Variants in STX16 observed in about 807,000 individuals in gnomAD.
The protein encoded by STX16 is syntaxin-16.
A neutral mutation model predicts 42.7 loss-of-function variants in STX16; 28 were observed. The observed-to-expected ratio is 0.66, with a 90% CI of 0.49 to 0.90. The LOEUF is 0.90. Ranked by LOEUF, STX16 falls within the 40% of genes least tolerant of loss-of-function variation. STX16 has a pLI of 0.00. For missense variants in STX16, 361 were observed against 420.9 expected, an observed-to-expected ratio of 0.86 and a Z score of 1.24; for synonymous variants, 156 against 155.2, an observed-to-expected ratio of 1.00 and a Z score of -0.04.
At chr20:58,664,864 T>C (rs1264458775) in intron 2 of STX16, among the ~76,000 whole-genome samples, 1 of 152,250 alleles carries the variant, frequency 6.6e-6, no homozygotes, top group African/African-American at 2.4e-5. Context: ...AAATAATTAC[T>C]GATTGAAATG....
At chr20:58,672,712 A>C (rs770549836) in intron 7 of STX16, among the ~76,000 whole-genome samples, 1 of 152,238 alleles carries the variant, frequency 6.6e-6, no homozygotes, top group Non-Finnish European at 1.5e-5. Flanking sequence ...CTAGAGACCT[A>C]GTTGACTCTG....
At chr20:58,671,668 T>C (rs2083981247) in intron 7 of STX16, among the ~76,000 whole-genome samples, 2 of 152,172 alleles carry the variant, frequency 1.3e-5, no homozygotes, top group African/African-American at 4.8e-5. Flanking sequence ...TACATGATTC[T>C]CATTTAATCC....
chr20:58,668,636 G>T (rs946857674), intron 4 of STX16, among the ~76,000 whole-genome samples: 7 of 151,594 alleles, frequency 4.6e-5, no homozygotes, highest in African/African-American at 7.3e-5. Context: ...AAAAGCCCTG[G>T]GGGGTTGGAA....
rs890272177 is a variant in STX16 at position 58,678,384 on chromosome 20, G to A, written c.*2093G>A. The A allele has an allele frequency of 6.6e-6, 1 of 152,184 alleles. No individual in the cohort carries two copies. Among genetic ancestry groups the A allele is most frequent in the Non-Finnish European group, 1.5e-5 (1 of 68,066 alleles). 9.4% of individuals were successfully genotyped at this position (152,184 alleles called of 1,614,324 possible). A position where few individuals can be genotyped will look rare whatever the true frequency, so the allele number is the denominator to read the frequency against. The stretch of plus-strand genomic sequence containing the variant: ...GTTTTAAGGAGGGGCTGGGCTCGGT[G>A]GCTCACGCCTGTAATCCCAGACTTT... On this transcript the variant is annotated 3_prime_UTR_variant, in exon 9 of 9. Coordinates refer to ENST00000371141, the MANE Select transcript of STX16 (RefSeq NM_001001433.3).
chr20:58,661,974 C>T (rs2083711007), intron 2 of STX16, among the ~76,000 whole-genome samples: 1 of 152,188 alleles, frequency 6.6e-6, no homozygotes, highest in South Asian at 2.1e-4. Flanking sequence ...TCATTCTCCT[C>T]CTCTAGCCTG....
At chr20:58,660,682 C>T (rs1232209741) in intron 2 of STX16, among the ~76,000 whole-genome samples, 2 of 141,992 alleles carry the variant, frequency 1.4e-5, no homozygotes, top group East Asian at 4.2e-4. Flanking sequence ...GACCCAGATG[C>T]AGAGCAGCAT....
intron 7 of STX16, 50 bp downstream of exon 7, chr20:58,671,347 G>A: frequency 6.5e-7 from 1 of 1,542,262 alleles, no homozygotes; most frequent in Non-Finnish European, 8.8e-7. Context: ...CATACTATCT[G>A]TACCTTCTTT....
chr20:58,656,499 A>T (rs192210332), intron 1 of STX16, among the ~76,000 whole-genome samples: 1 of 152,368 alleles, frequency 6.6e-6, no homozygotes. Context: ...AATGAAAGGT[A>T]GATATTGAGA....
In STX16 at chr20:58,676,759, G is replaced by T. The variant is rs1025976232; in HGVS notation, c.*468G>T. 4 of 152,662 alleles carry T rather than the reference G, an allele frequency of 2.6e-5. No individual in the cohort carries two copies. Among genetic ancestry groups the T allele is most frequent in the Admixed American group, 6.5e-5 (1 of 15,278 alleles). The allele number at this position is 152,662 out of a possible 1,614,324, so 9.5% of individuals were successfully genotyped here. A position where few individuals can be genotyped will look rare whatever the true frequency, so the allele number is the denominator to read the frequency against. On this transcript the variant is annotated 3_prime_UTR_variant, in exon 9 of 9. Coordinates refer to ENST00000371141, the MANE Select transcript of STX16 (RefSeq NM_001001433.3). The stretch of plus-strand genomic sequence containing the variant: ...AAAATTGATGAGTAGAGGCAAAAAT[G>T]CCCCTTCATCTTTCTCTATATATTT...
intron 8 of STX16, 47 bp from the exon 9 acceptor site, chr20:58,676,137 TTTG>T (rs749417774): frequency 7.5e-5 from 113 of 1,510,750 alleles, no homozygotes; most frequent in Non-Finnish European, 1.0e-4. Flanking sequence ...TGGGACTTGA[TTTG>T]GGATTTTGGG....
At chr20:58,661,778 G>A (rs2122942408) in intron 2 of STX16, among the ~76,000 whole-genome samples, 1 of 152,320 alleles carries the variant, frequency 6.6e-6, no homozygotes, top group South Asian at 2.1e-4. Flanking sequence ...AGCTGACGCA[G>A]GGCCTCACAT....
At chr20:58,669,503 TTA>T (rs1478353582) in intron 5 of STX16, 50 bp downstream of exon 5, 5 of 1,551,930 alleles carry the variant, frequency 3.2e-6, no homozygotes, top group East Asian at 2.3e-5. Flanking sequence ...GAAAAGCACT[TTA>T]TGTTTTCTTT....
Position 58,652,399 on chromosome 20 carries a change from C to T in STX16, c.132+261C>T, listed in dbSNP as rs2083486836. The T allele has an allele frequency of 7.2e-5, 40 of 556,586 alleles. 1 individual carries two copies. The highest frequency in any genetic ancestry group is 6.3e-4 in the South Asian group (40 of 63,272). The allele number at this position is 556,586 out of a possible 1,614,324, so 34.5% of individuals were successfully genotyped here. A position where few individuals can be genotyped will look rare whatever the true frequency, so the allele number is the denominator to read the frequency against. ...CCCCCCCCCGCACCCCCCGCCTTGG[C>T]GTCACTGCGCTACAGGCCGCCTGTA... On this transcript the variant is annotated intron_variant, in intron 1 of 8. Coordinates refer to ENST00000371141, the MANE Select transcript of STX16 (RefSeq NM_001001433.3).
chr20:58,658,908 T>C (rs2083637202), intron 1 of STX16, among the ~76,000 whole-genome samples: 3 of 152,266 alleles, frequency 2.0e-5, no homozygotes, highest in Admixed American at 6.5e-5. Context: ...AAGAGCCTTA[T>C]GAATAACTGT....
rs2084135914 is a variant in STX16 at position 58,676,687 on chromosome 20, G to A, written c.*396G>A. On this transcript the variant is annotated 3_prime_UTR_variant, in exon 9 of 9. Transcript: ENST00000371141. ...TGAGCAGAATGTTAACATAATTTTT[G>A]GAAAAATTTTCTTTAAACCATCTGG... 1 of 155,044 alleles carries A rather than the reference G, an allele frequency of 6.4e-6. No individual in the cohort carries two copies. Among genetic ancestry groups the A allele is most frequent in the Non-Finnish European group, 1.4e-5 (1 of 70,016 alleles). The allele number at this position is 155,044 out of a possible 1,614,324, so 9.6% of individuals were successfully genotyped here.
At chr20:58,654,894 A>G (rs2083553195) in intron 1 of STX16, among the ~76,000 whole-genome samples, 1 of 152,224 alleles carries the variant, frequency 6.6e-6, no homozygotes, top group Non-Finnish European at 1.5e-5. Flanking sequence ...TGTTAAGTCT[A>G]GTGATGAGTA....
At chr20:58,661,876 C>G (rs1311879984) in intron 2 of STX16, among the ~76,000 whole-genome samples, 3 of 152,222 alleles carry the variant, frequency 2.0e-5, no homozygotes, top group Non-Finnish European at 1.5e-5. Context: ...GCAAATGTCC[C>G]TGAGTGAATA....
rs75294349 is a variant in STX16 at position 58,657,029 on chromosome 20, C to G, written c.133-2594C>G. Reference sequence around the variant, plus strand: ...TCTGGCAAATCTGGCTTCAGAGCCCCGTGCTCACCTCCTGGGCCACTCTGG... The same window carrying G: ...TCTGGCAAATCTGGCTTCAGAGCCCGGTGCTCACCTCCTGGGCCACTCTGG... On this transcript the variant is annotated intron_variant, in intron 1 of 8. Transcript: ENST00000371141. The surrounding 1 kb of genome is among the most constrained non-coding windows in gnomAD (Gnocchi z 4.2). 6.6e-6 allele frequency among the ~76,000 whole-genome samples: 1 copy of G among 152,192 alleles called. No homozygotes were observed. The highest frequency in any genetic ancestry group is 1.9e-4 in the East Asian group (1 of 5,200).
chr20:58,668,515 A>G (rs1201510763), intron 4 of STX16, among the ~76,000 whole-genome samples: 1 of 152,186 alleles, frequency 6.6e-6, no homozygotes, highest in Non-Finnish European at 1.5e-5. Flanking sequence ...TTTTATAAAT[A>G]TTAAATTTGA....
Sources: gnomAD v4.1 joint callset for allele counts (sites outside exome capture counted in the v4.1 genomes callset) on GRCh38, gnomAD v4.1.1 for gene constraint, Gnocchi (gnomAD v3.1) non-coding constraint, MANE v1.5 for transcripts, NCBI Gene and HGNC (gene_info 2026-07-23, HGNC 2026-07-21) for gene names.